The following SSBP2 variants were observed in gnomAD, a reference collection of about 807,000 sequenced individuals.
The protein encoded by SSBP2 is single stranded DNA binding protein 2, also known as single-stranded DNA-binding protein 2.
SSBP2 carries 17 observed loss-of-function variants against 61.8 expected under a neutral mutation model. The observed-to-expected ratio is 0.28, with a 90% CI of 0.19 to 0.41. The LOEUF (loss-of-function observed/expected upper bound fraction) is 0.41, where lower values mean the gene tolerates loss of function less well. Ranked by LOEUF, SSBP2 falls within the 10% of genes least tolerant of loss-of-function variation. SSBP2 has a pLI of 1.00. For synonymous variants in SSBP2, 139 were observed against 141.3 expected (o/e 0.98, Z 0.12); for missense variants, 310 against 458.7 (o/e 0.68, Z 2.96).
At chr5:81,676,436 G>A (rs13360536) in intron 1 of SSBP2, among the ~76,000 whole-genome samples, 15,540 of 152,086 alleles carry the variant, frequency 0.1, 2,034 homozygotes, top group African/African-American at 0.31. Flanking sequence ...ATGCAAGCAC[G>A]GTCTTCCTAG....
intron 1 of SSBP2, among the ~76,000 whole-genome samples, chr5:81,732,894 G>T (rs1174494408): frequency 2.0e-5 from 3 of 152,124 alleles, no homozygotes; most frequent in Admixed American, 1.3e-4. Flanking sequence ...GTGCACTGCT[G>T]GGTAAGTGAT....
At chr5:81,677,449 A>G (rs1003070908) in intron 1 of SSBP2, among the ~76,000 whole-genome samples, 3 of 152,150 alleles carry the variant, frequency 2.0e-5, no homozygotes, top group Non-Finnish European at 4.4e-5. Context: ...TGCAGGAATC[A>G]GCGCCAGGGA....
chr5:81,681,832 C>T (rs1752410166), intron 1 of SSBP2, among the ~76,000 whole-genome samples: 1 of 151,902 alleles, frequency 6.6e-6, no homozygotes, highest in South Asian at 2.1e-4. Context: ...AGCAAGCTAA[C>T]TGACAAAAAA....
chr5:81,643,595 CTTTTTTTT>C (rs368511957), intron 2 of SSBP2, among the ~76,000 whole-genome samples: 3 of 60,250 alleles, frequency 5.0e-5, no homozygotes, highest in East Asian at 7.5e-4. Context: ...TTTTTCCTTT[CTTTTTTTT>C]TTTTTTTTTT....
chr5:81,710,903 A>C (rs1445908253), intron 1 of SSBP2: 1 of 271,704 alleles, frequency 3.7e-6, no homozygotes, highest in East Asian at 9.7e-5. Flanking sequence ...ATCTTTTTCC[A>C]AGATTTGTTA....
chr5:81,452,461 C>T lies in SSBP2; in HGVS notation c.688-3636G>A, dbSNP rs11959052. ...TGTTTTAGAGAAATAAGTCTAGAGG[C>T]ATCATGGAATATGAATACAAGTTAG... On this transcript the variant is annotated intron_variant, in intron 10 of 16. Coordinates refer to ENST00000320672, the MANE Select transcript of SSBP2 (RefSeq NM_012446.5). Among the ~76,000 whole-genome samples, 605 of 152,072 alleles carry T rather than the reference C, an allele frequency of 4.0e-3. 4 individuals carry two copies. The highest frequency in any genetic ancestry group is 0.013 in the African/African-American group (559 of 41,452).
chr5:81,504,086 A>G (rs541854393), intron 5 of SSBP2, among the ~76,000 whole-genome samples: 1 of 152,126 alleles, frequency 6.6e-6, no homozygotes, highest in Non-Finnish European at 1.5e-5. Context: ...CCCCCGTGAC[A>G]CGAGTTTGCT....
At chr5:81,655,541 C>T (rs1188626002) in intron 1 of SSBP2, among the ~76,000 whole-genome samples, 1 of 152,088 alleles carries the variant, frequency 6.6e-6, no homozygotes, top group African/African-American at 2.4e-5. Flanking sequence ...AAAATGATGA[C>T]CAACAATTCT....
intron 16 of SSBP2, among the ~76,000 whole-genome samples, chr5:81,426,916 G>T (rs1761988169): frequency 6.6e-6 from 1 of 152,030 alleles, no homozygotes; most frequent in African/African-American, 2.4e-5. Flanking sequence ...TAAAATACAT[G>T]GCTTATATAT....
In SSBP2 at chr5:81,577,012, C is replaced by G. The variant is rs1278307477; in HGVS notation, c.282+38461G>C. Among the ~76,000 whole-genome samples the G allele has an allele frequency of 2.6e-5, 4 of 151,930 alleles. No homozygotes were observed. The South Asian group carries it at 8.3e-4, about 31-fold the overall frequency. ...TTTAATTAAGTTCCAGGAAGGCAAG[C>G]AAACTTATTAATTAAATGTTTCGTG... On this transcript the variant is annotated intron_variant, in intron 4 of 16. Transcript: ENST00000320672.
At chr5:81,705,996 A>G (rs925824524) in intron 1 of SSBP2, among the ~76,000 whole-genome samples, 1 of 152,218 alleles carries the variant, frequency 6.6e-6, no homozygotes, top group Non-Finnish European at 1.5e-5. Context: ...ATTACTGAAT[A>G]TATATCCAAA....
intron 4 of SSBP2, among the ~76,000 whole-genome samples, chr5:81,607,187 A>G (rs1211188909): frequency 6.6e-6 from 1 of 152,110 alleles, no homozygotes; most frequent in African/African-American, 2.4e-5. Context: ...TCTCATATCT[A>G]TCTTAGGAAT....
chr5:81,692,585 CA>C (rs1321179798), intron 1 of SSBP2, among the ~76,000 whole-genome samples: 2 of 152,130 alleles, frequency 1.3e-5, no homozygotes, highest in Non-Finnish European at 2.9e-5. Flanking sequence ...CTGGAGAAAT[CA>C]CATTACCTGA....
chr5:81,520,141 C>T (rs1436731146), intron 4 of SSBP2, among the ~76,000 whole-genome samples: 1 of 151,926 alleles, frequency 6.6e-6, no homozygotes, highest in Admixed American at 6.6e-5. Flanking sequence ...CTTGCCACCA[C>T]GCCCAGCTAT....
At chr5:81,582,997 GATA>G (rs1307726301) in intron 4 of SSBP2, among the ~76,000 whole-genome samples, 2 of 152,136 alleles carry the variant, frequency 1.3e-5, no homozygotes, top group Admixed American at 6.5e-5. Context: ...AAGGCAGGAA[GATA>G]ACTTAAGGCC....
chr5:81,451,750 CCTT>C (rs1305953569), intron 10 of SSBP2, among the ~76,000 whole-genome samples: 1 of 152,180 alleles, frequency 6.6e-6, no homozygotes, highest in Non-Finnish European at 1.5e-5. Context: ...TTTAATTTCT[CCTT>C]CTTCATGATT....
chr5:81,574,141 T>C (rs962357871), intron 4 of SSBP2, among the ~76,000 whole-genome samples: 1 of 151,240 alleles, frequency 6.6e-6, no homozygotes, highest in African/African-American at 2.4e-5. Context: ...ACTCCATCTC[T>C]AAAAAAAACA....
At chr5:81,506,333 C>T (rs1288635291) in intron 5 of SSBP2, among the ~76,000 whole-genome samples, 1 of 152,026 alleles carries the variant, frequency 6.6e-6, no homozygotes, top group Non-Finnish European at 1.5e-5. Flanking sequence ...GTATTTAATT[C>T]TGAGAAATAC....
At chr5:81,599,519 TAGAG>T (rs987057917) in intron 4 of SSBP2, among the ~76,000 whole-genome samples, 6 of 152,224 alleles carry the variant, frequency 3.9e-5, no homozygotes, top group African/African-American at 7.2e-5. Flanking sequence ...CCGCTGATCC[TAGAG>T]AGAAAGAGGG....
Sources: gnomAD v4.1 joint callset for allele counts (sites outside exome capture counted in the v4.1 genomes callset) on GRCh38, gnomAD v4.1.1 for gene constraint, MANE v1.5 for transcripts, NCBI Gene and HGNC (gene_info 2026-07-23, HGNC 2026-07-21) for gene names.